The following MTR variants were observed in gnomAD, a reference collection of about 807,000 sequenced individuals.
MTR encodes methionine synthase.
Under a neutral mutation model 154.8 loss-of-function variants are expected in MTR, and 84 were observed. The ratio of observed to expected loss-of-function variants is 0.54; its 90% CI spans 0.45 to 0.65. The LOEUF (loss-of-function observed/expected upper bound fraction) is 0.65, where lower values mean the gene tolerates loss of function less well. Ranked by LOEUF, MTR falls within the 30% of genes least tolerant of loss-of-function variation. MTR has a pLI of 0.00. For missense variants in MTR, 1,275 were observed against 1,570.2 expected, an observed-to-expected ratio of 0.81 and a Z score of 3.18; for synonymous variants, 554 against 553.9, an observed-to-expected ratio of 1.00 and a Z score of 0.00.
chr1:236,852,739 C>G lies in MTR; in HGVS notation c.1812+102C>G, dbSNP rs1335145631. On this transcript the variant is annotated intron_variant, in intron 17 of 32. Transcript: ENST00000366577. ...GCTAAGTCCGGCCTGCTGCCAGTTT[C>G]TGTAAATAAGATTTTATTGGGATAG... 2.5e-5 allele frequency: 30 copies of G among 1,189,072 alleles called. No homozygotes were observed. In the East Asian group the frequency reaches 6.8e-4, roughly 27 times the overall value. The allele number at this position is 1,189,072 out of a possible 1,614,324, so 73.7% of individuals were successfully genotyped here. A position where few individuals can be genotyped will look rare whatever the true frequency, so the allele number is the denominator to read the frequency against.
Position 236,897,118 on chromosome 1 carries a change from G to T in MTR, c.3711G>T (p.Gln1237His). 6.2e-7 allele frequency: 1 copy of T among 1,604,800 alleles called. No individual in the cohort carries two copies. The highest frequency in any genetic ancestry group is 8.5e-7 in the Non-Finnish European group (1 of 1,171,502). Reference sequence around the variant, plus strand: ...CTGTGGGGAAGATTTCCAAGGATCAGGTAAGCTAGCTGTTGCATTATATGT... The same window carrying T: ...CTGTGGGGAAGATTTCCAAGGATCATGTAAGCTAGCTGTTGCATTATATGT... ...YFAVGKISKD[Q>H]VEDYALRKNI... The change falls in exon 32 of 33, where the codon CAG becomes CAT. Residue 1237 changes from glutamine (Q) to histidine (H), a missense_variant and splice_region_variant. Transcript: ENST00000366577.
chr1:236,897,485 C>A, intron 32 of MTR, 73 bp from the exon 33 acceptor site: 1 of 1,401,442 alleles, frequency 7.1e-7, no homozygotes, highest in Non-Finnish European at 1.0e-6. Flanking sequence ...TGTTTCTTGG[C>A]AAATCTTGTG....
chr1:236,895,221 C>G, intron 30 of MTR, 137 bp from the exon 31 acceptor site: 1 of 970,586 alleles, frequency 1.0e-6, no homozygotes, highest in Non-Finnish European at 1.6e-6. Flanking sequence ...CAGCCTGTTT[C>G]CTCTTGTCAA....
Position 236,901,736 on chromosome 1 carries a change from G to A in MTR, c.*4092G>A, listed in dbSNP as rs1201245343. 6.6e-6 allele frequency: 1 copy of A among 152,104 alleles called. No individual in the cohort carries two copies. The highest frequency in any genetic ancestry group is 1.5e-5 in the Non-Finnish European group (1 of 68,020). 9.4% of individuals were successfully genotyped at this position (152,104 alleles called of 1,614,324 possible). On this transcript the variant is annotated 3_prime_UTR_variant, in exon 33 of 33. Coordinates refer to ENST00000366577, the MANE Select transcript of MTR (RefSeq NM_000254.3). ...TGGGTGGAGGGTAAGCTTGCTCTCTGGCCTCCTCTTAAAAAGGCACTAATC... is the reference window on the plus strand; with the variant it reads ...TGGGTGGAGGGTAAGCTTGCTCTCTAGCCTCCTCTTAAAAAGGCACTAATC...
At chr1:236,799,979 A>C in intron 1 of MTR, 3 of 874,906 alleles carry the variant, frequency 3.4e-6, no homozygotes, top group Non-Finnish European at 4.1e-6. Flanking sequence ...AAGATGCCAG[A>C]ATTTGCATGT....
chr1:236,802,057 G>T (rs74146638), intron 1 of MTR, among the ~76,000 whole-genome samples: 1 of 152,136 alleles, frequency 6.6e-6, no homozygotes, highest in African/African-American at 2.4e-5. Context: ...TGAAGAAAGG[G>T]GTTGTCACAG....
chr1:236,814,136 C>T (rs1661460849), intron 6 of MTR, among the ~76,000 whole-genome samples: 1 of 152,212 alleles, frequency 6.6e-6, no homozygotes, highest in African/African-American at 2.4e-5. Flanking sequence ...TAGAGAGCCA[C>T]TACCAGCCTG....
At chr1:236,831,097 C>T (rs763190208) in intron 12 of MTR, among the ~76,000 whole-genome samples, 1 of 152,092 alleles carries the variant, frequency 6.6e-6, no homozygotes, top group Non-Finnish European at 1.5e-5. Flanking sequence ...GGGAAGTTGC[C>T]CCAAGGTTGT....
rs779952613 is a variant in MTR, at chr1:236,885,263, T to G, written c.2775+44T>G. Reference sequence around the variant, plus strand: ...TTTTTGCTTGTTTTTAATGTGACTGTTTTTTATGATCCTAGTTTTTAATGT... The same window carrying G: ...TTTTTGCTTGTTTTTAATGTGACTGGTTTTTATGATCCTAGTTTTTAATGT... On this transcript the variant is annotated intron_variant, in intron 26 of 32. Coordinates refer to ENST00000366577, the MANE Select transcript of MTR (RefSeq NM_000254.3). 8.7e-6 allele frequency: 10 copies of G among 1,144,090 alleles called. No individual in the cohort carries two copies. In the East Asian group the frequency reaches 2.3e-4, roughly 27 times the overall value. 70.9% of individuals were successfully genotyped at this position (1,144,090 alleles called of 1,614,324 possible). A position where few individuals can be genotyped will look rare whatever the true frequency, so the allele number is the denominator to read the frequency against.
At chr1:236,810,973 C>G (rs1391217374) in intron 5 of MTR, among the ~76,000 whole-genome samples, 1 of 152,142 alleles carries the variant, frequency 6.6e-6, no homozygotes, top group Non-Finnish European at 1.5e-5. Context: ...TCCAAACTAT[C>G]TAGACATCTG....
In MTR at chr1:236,795,646, C is replaced by A; in HGVS notation, c.-58C>A. The A allele has an allele frequency of 6.2e-7, 1 of 1,611,788 alleles. No individual in the cohort carries two copies. On this transcript the variant is annotated 5_prime_UTR_variant, in exon 1 of 33. Transcript: ENST00000366577. Reference sequence around the variant, plus strand: ...CTGGCGTGGCCCTTGGCCGTCGTCACCTGTGGAGAGCACGTCTTCTCTGCC... The same window carrying A: ...CTGGCGTGGCCCTTGGCCGTCGTCAACTGTGGAGAGCACGTCTTCTCTGCC...
chr1:236,881,610 A>G (rs1239310422), intron 25 of MTR, among the ~76,000 whole-genome samples: 3 of 152,072 alleles, frequency 2.0e-5, no homozygotes, highest in Non-Finnish European at 4.4e-5. Flanking sequence ...CAGCCTTCAC[A>G]TTGTGCAGGC....
chr1:236,886,185 CA>C (rs1665999265), intron 26 of MTR, 106 bp from the exon 27 acceptor site: 1 of 861,684 alleles, frequency 1.2e-6, no homozygotes, highest in African/African-American at 1.7e-5. Context: ...TGAATAAGAG[CA>C]TTTGCTTTCT....
intron 3 of MTR, among the ~76,000 whole-genome samples, chr1:236,807,815 CG>C (rs1259515210): frequency 6.6e-6 from 1 of 152,130 alleles, no homozygotes; most frequent in Admixed American, 6.5e-5. Flanking sequence ...GTACATATTT[CG>C]GCTTTGTTAG....
intron 32 of MTR, among the ~76,000 whole-genome samples, 192 bp downstream of exon 32, chr1:236,897,310 G>GCGCGCGCGCGCGCACACACACACA: frequency 1.2e-4 from 16 of 128,676 alleles, no homozygotes; most frequent in South Asian, 2.7e-4. Context: ...CCACACACAC[G>GCGCGCGCGCGCGCACACACACACA]CACACACACA....
chr1:236,868,849 A>G (rs1431488763), intron 22 of MTR, among the ~76,000 whole-genome samples: 2 of 152,258 alleles, frequency 1.3e-5, no homozygotes. Flanking sequence ...TACCTAAGTC[A>G]AAGATACGGT....
At chr1:236,895,854 A>G (rs750686981) in intron 31 of MTR, among the ~76,000 whole-genome samples, 25 of 152,200 alleles carry the variant, frequency 1.6e-4, no homozygotes, top group Non-Finnish European at 2.6e-4. Context: ...TGTCACAGGC[A>G]TGGTGATGTC....
chr1:236,820,242 G>A, intron 8 of MTR: 1 of 753,940 alleles, frequency 1.3e-6, no homozygotes, highest in Non-Finnish European at 2.4e-6. Flanking sequence ...ATCTCTGCTT[G>A]TACAGAGATC....
intron 30 of MTR, chr1:236,895,093 C>T (rs1055869579): frequency 4.0e-6 from 2 of 500,018 alleles, no homozygotes; most frequent in South Asian, 2.1e-5. Flanking sequence ...TTAGGGAAAT[C>T]GTTAATTTTA....
Sources: allele counts gnomAD v4.1 joint callset (sites outside exome capture counted in the v4.1 genomes callset), GRCh38; gene constraint gnomAD v4.1.1; transcripts MANE v1.5; gene names NCBI Gene and HGNC (gene_info 2026-07-23, HGNC 2026-07-21).